NDUFB3: variants seen among roughly 807,000 people sequenced by gnomAD.
NDUFB3 encodes NADH:ubiquinone oxidoreductase subunit B3, also known as NADH dehydrogenase [ubiquinone] 1 beta subcomplex subunit 3.
NDUFB3 carries 7 observed loss-of-function variants against 9.0 expected under a neutral mutation model. The ratio of observed to expected loss-of-function variants is 0.78; its 90% CI spans 0.44 to 1.46. NDUFB3 has a LOEUF of 1.46. Among genes scored for constraint, NDUFB3 ranks in the 40% most tolerant of loss-of-function variants. NDUFB3 has a pLI of 0.01. For synonymous variants in NDUFB3, 29 were observed against 38.5 expected (o/e 0.75, Z 0.91); for missense variants, 93 against 115.4 (o/e 0.81, Z 0.89).
At chr2:201,074,454 CTT>C (rs370282012) in intron 1 of NDUFB3, among the ~76,000 whole-genome samples, 12 of 113,118 alleles carry the variant, frequency 1.1e-4, no homozygotes, top group Admixed American at 1.8e-4. Context: ...ATATGTTCAG[CTT>C]TTTTTTTTTT....
At chr2:201,080,207 C>T (rs1014652669) in intron 2 of NDUFB3, among the ~76,000 whole-genome samples, 1 of 152,060 alleles carries the variant, frequency 6.6e-6, no homozygotes, top group African/African-American at 2.4e-5. Context: ...GCTCCAGCAC[C>T]ATTTATTAAA....
In NDUFB3 at chr2:201,079,242, T is replaced by G. The variant is rs572085507; in HGVS notation, c.140+220T>G. Among the ~76,000 whole-genome samples the G allele has an allele frequency of 6.6e-4, 100 of 151,574 alleles. 1 individual carries two copies. The highest frequency in any genetic ancestry group is 1.6e-3 in the African/African-American group (64 of 41,278). On this transcript the variant is annotated intron_variant, in intron 2 of 2. Transcript: ENST00000237889. The stretch of plus-strand genomic sequence containing the variant: ...TCACTGCAGCCTCCGCCACCCGGGT[T>G]CAAGTGATTCTCTTGCCTCAGCCTC...
At chr2:201,077,141 CTGT>C (rs2047173120) in intron 1 of NDUFB3, among the ~76,000 whole-genome samples, 1 of 151,948 alleles carries the variant, frequency 6.6e-6, no homozygotes, top group Non-Finnish European at 1.5e-5. Flanking sequence ...CTTATTGGGC[CTGT>C]TCATAGTTAT....
At chr2:201,081,733 C>T (rs1386218077) in intron 2 of NDUFB3, among the ~76,000 whole-genome samples, 1 of 151,782 alleles carries the variant, frequency 6.6e-6, no homozygotes, top group African/African-American at 2.4e-5. Context: ...ACTGCAACCT[C>T]TGCCTCCTGG....
intron 1 of NDUFB3, among the ~76,000 whole-genome samples, chr2:201,075,594 T>C (rs932363640): frequency 1.3e-5 from 2 of 150,930 alleles, no homozygotes; most frequent in African/African-American, 4.9e-5. Flanking sequence ...AAAAGGTATA[T>C]TTAGTAAATT....
chr2:201,073,152 A>G (rs1479729919), intron 1 of NDUFB3, among the ~76,000 whole-genome samples: 1 of 152,210 alleles, frequency 6.6e-6, no homozygotes, highest in Non-Finnish European at 1.5e-5. Context: ...CTCCACCAAG[A>G]GGTAACCATT....
chr2:201,079,825 C>G (rs370037777), intron 2 of NDUFB3: 1 of 152,132 alleles, frequency 6.6e-6, no homozygotes, highest in Non-Finnish European at 1.5e-5. Flanking sequence ...AGTCCTTTAT[C>G]AGATAAAAGT....
intron 1 of NDUFB3, among the ~76,000 whole-genome samples, chr2:201,076,686 C>A (rs148818077): frequency 9.2e-4 from 140 of 151,820 alleles, no homozygotes; most frequent in African/African-American, 3.3e-3. Context: ...GTGGCACCAT[C>A]TTGGCTCACT....
At chr2:201,080,762 TGGC>T (rs1293558081) in intron 2 of NDUFB3, among the ~76,000 whole-genome samples, 1 of 143,030 alleles carries the variant, frequency 7.0e-6, no homozygotes, top group Non-Finnish European at 1.5e-5. Flanking sequence ...TAGGGTGTGG[TGGC>T]TCAATCTGGC....
At chr2:201,077,271 G>A (rs752067917) in intron 1 of NDUFB3, among the ~76,000 whole-genome samples, 1 of 151,852 alleles carries the variant, frequency 6.6e-6, no homozygotes, top group Non-Finnish European at 1.5e-5. Context: ...AAAATAAAAG[G>A]ATTGCTACTG....
intron 2 of NDUFB3, among the ~76,000 whole-genome samples, chr2:201,080,966 G>A (rs985917554): frequency 1.3e-5 from 2 of 151,808 alleles, no homozygotes; most frequent in South Asian, 4.2e-4. Flanking sequence ...GCCTCCCAAA[G>A]TGCTGGGATT....
At chr2:201,080,508 G>A (rs994989760) in intron 2 of NDUFB3, among the ~76,000 whole-genome samples, 22 of 151,898 alleles carry the variant, frequency 1.4e-4, no homozygotes, top group African/African-American at 5.3e-4. Flanking sequence ...ATGTCCAGGC[G>A]GCAGTGAGCC....
At chr2:201,082,601 A>G (rs533724468) in intron 2 of NDUFB3, among the ~76,000 whole-genome samples, 46 of 151,036 alleles carry the variant, frequency 3.0e-4, no homozygotes, top group African/African-American at 9.5e-4. Flanking sequence ...TGTAAATAGT[A>G]TTTTAAAATC....
intron 1 of NDUFB3, among the ~76,000 whole-genome samples, chr2:201,077,480 G>A (rs933678340): frequency 1.9e-4 from 29 of 152,174 alleles, no homozygotes; most frequent in Non-Finnish European, 4.4e-5. Context: ...GAGTCCTAAG[G>A]TATCTGTTGG....
In NDUFB3 at chr2:201,083,351, C is replaced by CTT. The variant is rs748310803; in HGVS notation, c.141-2089_141-2088dup. 3.3e-3 allele frequency among the ~76,000 whole-genome samples: 393 copies of CTT among 119,956 alleles called. 6 individuals carry two copies. Among genetic ancestry groups the CTT allele is most frequent in the South Asian group, 0.021 (79 of 3,686 alleles). 78.7% of individuals were successfully genotyped at this position (119,956 alleles called of 152,430 possible). A position where few individuals can be genotyped will look rare whatever the true frequency, so the allele number is the denominator to read the frequency against. On this transcript the variant is annotated intron_variant, in intron 2 of 2. Transcript: ENST00000237889. ...CTAAGTGTTTCATTGTTTATTATTTCTTTTTTTTTTTTTTTTTTTTGAGAC... is the reference window on the plus strand; with the variant it reads ...CTAAGTGTTTCATTGTTTATTATTTCTTTTTTTTTTTTTTTTTTTTTTGAGAC...
intron 2 of NDUFB3, among the ~76,000 whole-genome samples, chr2:201,080,769 A>G (rs1036422925): frequency 9.0e-5 from 13 of 144,952 alleles, no homozygotes; most frequent in African/African-American, 1.8e-4. Context: ...TGGTGGCTCA[A>G]TCTGGCTCGC....
chr2:201,076,815 A>G (rs770868717), intron 1 of NDUFB3, among the ~76,000 whole-genome samples: 16 of 151,984 alleles, frequency 1.1e-4, no homozygotes, highest in Non-Finnish European at 2.2e-4. Context: ...AAGAATTCCT[A>G]CCAGGCCAGG....
At chr2:201,074,516 G>A (rs1056591840) in intron 1 of NDUFB3, among the ~76,000 whole-genome samples, 3 of 149,438 alleles carry the variant, frequency 2.0e-5, no homozygotes, top group Admixed American at 2.0e-4. Context: ...GAGTGCAGTG[G>A]CGCAATCTCG....
chr2:201,077,475 C>T (rs1208698716), intron 1 of NDUFB3, among the ~76,000 whole-genome samples: 2 of 152,076 alleles, frequency 1.3e-5, no homozygotes, highest in Admixed American at 6.6e-5. Context: ...AAAAGGAGTC[C>T]TAAGGTATCT....
Sources: allele counts gnomAD v4.1 joint callset (sites outside exome capture counted in the v4.1 genomes callset), GRCh38; gene constraint gnomAD v4.1.1; transcripts MANE v1.5; gene names NCBI Gene and HGNC (gene_info 2026-07-23, HGNC 2026-07-21).